PAPSS2: variants seen among roughly 807,000 people sequenced by gnomAD.
PAPSS2 encodes the protein bifunctional 3'-phosphoadenosine 5'-phosphosulfate synthase 2.
In PAPSS2, 61 loss-of-function variants were observed where a neutral mutation model predicts 66.5. The observed-to-expected ratio is 0.92, with a 90% CI of 0.75 to 1.14. PAPSS2 has a LOEUF of 1.14. Ranked by LOEUF, PAPSS2 falls within the 50% of genes most tolerant of loss-of-function variation. The pLI is 0.00. For missense variants in PAPSS2, 708 were observed against 789.6 expected (o/e 0.90, Z 1.24); for synonymous variants, 289 against 287.5 (o/e 1.01, Z -0.05).
intron 1 of PAPSS2, among the ~76,000 whole-genome samples, chr10:87,698,742 A>G (rs1314846243): frequency 6.6e-6 from 1 of 152,180 alleles, no homozygotes; most frequent in African/African-American, 2.4e-5. Flanking sequence ...AAAACATGTT[A>G]TCTCATGGAG....
chr10:87,732,299 A>G (rs1853739802), intron 9 of PAPSS2, among the ~76,000 whole-genome samples: 1 of 152,096 alleles, frequency 6.6e-6, no homozygotes, highest in Non-Finnish European at 1.5e-5. Flanking sequence ...TGGGAGGCCG[A>G]TTGTTTCAGC....
chr10:87,701,429 TC>T (rs1344299801), intron 1 of PAPSS2, among the ~76,000 whole-genome samples: 6 of 129,496 alleles, frequency 4.6e-5, no homozygotes, highest in East Asian at 2.3e-4. Context: ...TCTCTCTCTC[TC>T]TCTTTCTTTC....
intron 1 of PAPSS2, chr10:87,660,971 C>T (rs920367203): frequency 2.0e-5 from 9 of 455,760 alleles, no homozygotes; most frequent in Non-Finnish European, 2.6e-5. Flanking sequence ...TCTTCAGCCA[C>T]CACCCTGCAA....
intron 1 of PAPSS2, among the ~76,000 whole-genome samples, chr10:87,701,311 CCTTCCTTCCTTCCTTCCTTT>C (rs1853304239): frequency 4.0e-5 from 3 of 75,858 alleles, no homozygotes; most frequent in African/African-American, 2.2e-4. Flanking sequence ...TTCCTTCCTT[CCTTCCTTCCTTCCTTCCTTT>C]CTTTCTTTCT....
chr10:87,668,992 T>C (rs1453177351), intron 1 of PAPSS2, among the ~76,000 whole-genome samples: 1 of 152,224 alleles, frequency 6.6e-6, no homozygotes, highest in African/African-American at 2.4e-5. Flanking sequence ...CCAGTTGGTT[T>C]ATTACATTCT....
chr10:87,697,938 T>C (rs1853255343), intron 1 of PAPSS2, among the ~76,000 whole-genome samples: 1 of 152,226 alleles, frequency 6.6e-6, no homozygotes, highest in African/African-American at 2.4e-5. Context: ...GGCTTCTTTA[T>C]TTTTCTTGGC....
chr10:87,683,621 T>G (rs1438206790), intron 1 of PAPSS2, among the ~76,000 whole-genome samples: 1 of 152,208 alleles, frequency 6.6e-6, no homozygotes, highest in African/African-American at 2.4e-5. Flanking sequence ...TCATGAAGGC[T>G]TAAACACATG....
At chr10:87,689,683 GA>G (rs1231250142) in intron 1 of PAPSS2, among the ~76,000 whole-genome samples, 43 of 96,886 alleles carry the variant, frequency 4.4e-4, no homozygotes, top group Non-Finnish European at 6.2e-4. Context: ...AAAAAAAAAA[GA>G]AAAAAAAAAA....
At chr10:87,673,001 G>A (rs1291204180) in intron 1 of PAPSS2, among the ~76,000 whole-genome samples, 1 of 152,196 alleles carries the variant, frequency 6.6e-6, no homozygotes, top group Non-Finnish European at 1.5e-5. Context: ...ATTTCTGTGT[G>A]GCCTGAAAGG....
At position 87,713,311 on chromosome 10, in the gene PAPSS2, G is replaced by GGAAAAAAAAAAAAA; in HGVS notation, c.381+1_381+2insGAAAAAAAAAAAAA. 1 of 444,730 alleles carries GGAAAAAAAAAAAAA rather than the reference G, an allele frequency of 2.2e-6. No homozygotes were observed. The highest frequency in any genetic ancestry group is 3.2e-6 in the Non-Finnish European group (1 of 316,116). 27.5% of individuals were successfully genotyped at this position (444,730 alleles called of 1,614,324 possible). A position where few individuals can be genotyped will look rare whatever the true frequency, so the allele number is the denominator to read the frequency against. ...CAGCTTTATTTCTCCATTCGCAAAG[G>GGAAAAAAAAAAAAA]TAAAAAAAAAAAAAAAAAAAAAAGG... On this transcript the variant is annotated splice_donor_variant, in intron 3 of 12. Transcript: ENST00000456849. LOFTEE classifies it high-confidence loss of function.
intron 1 of PAPSS2, among the ~76,000 whole-genome samples, chr10:87,699,175 A>T (rs987532394): frequency 3.3e-5 from 5 of 152,246 alleles, no homozygotes; most frequent in Admixed American, 3.3e-4. Flanking sequence ...TTACCACATG[A>T]TCAAGTGAAA....
At position 87,686,433 on chromosome 10, in the gene PAPSS2, T is replaced by C. The variant is rs181432671; in HGVS notation, c.28-22763T>C. On this transcript the variant is annotated intron_variant, in intron 1 of 12. Transcript: ENST00000456849. ...TAGGAACATCTGAATCCTGTCATTC[T>C]GGAGTCTGGAATCCCCTTCTCTTCC... is the stretch of plus-strand genomic sequence containing the variant. Among the ~76,000 whole-genome samples the C allele has an allele frequency of 5.6e-4, 85 of 151,926 alleles. No individual in the cohort carries two copies. In the Middle Eastern group the frequency reaches 0.021, roughly 37 times the overall value.
At chr10:87,674,094 TAA>T (rs1852914560) in intron 1 of PAPSS2, among the ~76,000 whole-genome samples, 1 of 152,142 alleles carries the variant, frequency 6.6e-6, no homozygotes, top group African/African-American at 2.4e-5. Flanking sequence ...TCAAGACTGA[TAA>T]AGACAGAGCA....
chr10:87,692,272 T>C (rs951517063), intron 1 of PAPSS2, among the ~76,000 whole-genome samples: 5 of 152,094 alleles, frequency 3.3e-5, no homozygotes, highest in African/African-American at 1.2e-4. Context: ...TCAGTGGCTC[T>C]GGGGGGAATC....
intron 1 of PAPSS2, among the ~76,000 whole-genome samples, chr10:87,669,613 T>C (rs995953250): frequency 6.6e-6 from 1 of 152,242 alleles, no homozygotes; most frequent in African/African-American, 2.4e-5. Flanking sequence ...ATGTGCGTTA[T>C]TTATCTGAAG....
intron 1 of PAPSS2, among the ~76,000 whole-genome samples, chr10:87,682,794 A>C (rs926548061): frequency 6.6e-6 from 1 of 152,178 alleles, no homozygotes; most frequent in Non-Finnish European, 1.5e-5. Flanking sequence ...GGCACAATAA[A>C]AAGAAGGAGC....
At chr10:87,666,939 G>A (rs1166730338) in intron 1 of PAPSS2, among the ~76,000 whole-genome samples, 1 of 151,976 alleles carries the variant, frequency 6.6e-6, no homozygotes, top group African/African-American at 2.4e-5. Context: ...GAGCCCCCAG[G>A]GCTATTTGGC....
rs373318487 is a variant in PAPSS2, at chr10:87,701,430, C to CTCTCTCTCTCTCTCTT, written c.28-7763_28-7762insCTCTCTCTCTCTTTCT. 9.7e-4 allele frequency among the ~76,000 whole-genome samples: 71 copies of CTCTCTCTCTCTCTCTT among 73,266 alleles called. 6 individuals are homozygous for CTCTCTCTCTCTCTCTT. In the South Asian group the frequency reaches 0.012, roughly 12 times the overall value. The allele number at this position is 73,266 out of a possible 152,430, so 48.1% of individuals were successfully genotyped here. ...TCTCTCTCTCTCTCTCTCTCTCTCT[C>CTCTCTCTCTCTCTCTT]TCTTTCTTTCAGACAAGGTCTCACT... is the stretch of plus-strand genomic sequence containing the variant. On this transcript the variant is annotated intron_variant, in intron 1 of 12. Coordinates refer to ENST00000456849, the MANE Select transcript of PAPSS2 (RefSeq NM_001015880.2).
At chr10:87,741,455 C>CATG (rs1853868798) in intron 10 of PAPSS2, 85 bp downstream of exon 10, 1 of 1,192,578 alleles carries the variant, frequency 8.4e-7, no homozygotes, top group African/African-American at 1.5e-5. Flanking sequence ...AGTGCAATGG[C>CATG]ACGATCTCAG....
Sources: allele counts gnomAD v4.1 joint callset (sites outside exome capture counted in the v4.1 genomes callset), GRCh38; gene constraint gnomAD v4.1.1; transcripts MANE v1.5; gene names NCBI Gene and HGNC (gene_info 2026-07-23, HGNC 2026-07-21).